CNIH3: variants seen among roughly 807,000 people sequenced by gnomAD.
CNIH3 encodes protein cornichon homolog 3.
Under a neutral mutation model 24.1 loss-of-function variants are expected in CNIH3, and 14 were observed. The ratio of observed to expected loss-of-function variants is 0.58; its 90% CI spans 0.38 to 0.91. The LOEUF (loss-of-function observed/expected upper bound fraction) is 0.91, where lower values mean the gene tolerates loss of function less well. Ranked by LOEUF, CNIH3 falls within the 40% of genes least tolerant of loss-of-function variation. CNIH3 has a pLI of 0.00. For missense variants in CNIH3, 178 were observed against 196.8 expected (o/e 0.90, Z 0.57); for synonymous variants, 68 against 73.8 (o/e 0.92, Z 0.40).
chr1:224,737,803 C>G (rs1271733104), intron 5 of CNIH3, among the ~76,000 whole-genome samples: 1 of 152,192 alleles, frequency 6.6e-6, no homozygotes, highest in Non-Finnish European at 1.5e-5. Context: ...TTTCTTCTAT[C>G]CTGTTTGAAC....
At chr1:224,608,107 C>T (rs966756705) in intron 3 of CNIH3, among the ~76,000 whole-genome samples, 1 of 152,114 alleles carries the variant, frequency 6.6e-6, no homozygotes, top group Admixed American at 6.5e-5. Context: ...GAAGGAGATA[C>T]TGAGGCAGGC....
rs115756334 is a variant in CNIH3, at chr1:224,459,652, T to C, written n.203+24790T>C. ...AGCTGGGGTTTCATAAGCACATAGA[T>C]AGTAGTGTCTCTTAGCTTCCGTTTA... is the stretch of plus-strand genomic sequence containing the variant. On this transcript the variant is annotated intron_variant and non_coding_transcript_variant, in intron 1 of 5. Transcript: ENST00000471578. Among the ~76,000 whole-genome samples, 1,013 of 152,130 alleles carry C rather than the reference T, an allele frequency of 6.7e-3. 9 individuals carry two copies. The highest frequency in any genetic ancestry group is 0.023 in the African/African-American group (951 of 41,500).
intron 1 of CNIH3, among the ~76,000 whole-genome samples, chr1:224,457,545 C>A (rs1214147574): frequency 8.1e-6 from 1 of 123,834 alleles, no homozygotes; most frequent in Non-Finnish European, 1.6e-5. Context: ...TCTGTAGCTT[C>A]CCTTCCTCCC....
At chr1:224,658,038 A>G (rs1685180346) in intron 1 of CNIH3, among the ~76,000 whole-genome samples, 1 of 152,216 alleles carries the variant, frequency 6.6e-6, no homozygotes, top group Admixed American at 6.5e-5. Context: ...AAAGTTAAAC[A>G]TTTACTACAT....
rs1162644064 is a variant in CNIH3 at position 224,516,803 on chromosome 1, GCAT to G, written n.15+932_15+934del. 2.6e-5 allele frequency among the ~76,000 whole-genome samples: 4 copies of G among 152,178 alleles called. No homozygotes were observed. In the East Asian group the frequency reaches 7.7e-4, roughly 29 times the overall value. On this transcript the variant is annotated intron_variant and non_coding_transcript_variant, in intron 1 of 2. Transcript: ENST00000470602. ...CGTTTTCTTACCCTCTGCCATCATC[GCAT>G]CATCCCCGCCAGAAAATCTGTCTCT...
At chr1:224,636,915 A>G (rs190349441) in intron 1 of CNIH3, among the ~76,000 whole-genome samples, 86 of 150,114 alleles carry the variant, frequency 5.7e-4, no homozygotes, top group African/African-American at 2.0e-3. Flanking sequence ...CTAATCTATT[A>G]TCTGTCTATC....
chr1:224,686,704 A>G (rs1686677905), intron 3 of CNIH3, among the ~76,000 whole-genome samples: 1 of 152,188 alleles, frequency 6.6e-6, no homozygotes, highest in Non-Finnish European at 1.5e-5. Context: ...AATGTTCCAT[A>G]TCCATCACCT....
chr1:224,481,457 G>A (rs192102266), intron 1 of CNIH3, among the ~76,000 whole-genome samples: 19 of 152,260 alleles, frequency 1.2e-4, no homozygotes. Flanking sequence ...CGCAGCCATA[G>A]CTGCATTAGG....
chr1:224,472,378 T>G (rs2404786), intron 1 of CNIH3, among the ~76,000 whole-genome samples: 3 of 152,076 alleles, frequency 2.0e-5, no homozygotes, highest in African/African-American at 7.3e-5. Context: ...ATATGGAACC[T>G]GCCCAAATGT....
At chr1:224,694,038 A>G (rs16852009) in intron 3 of CNIH3, among the ~76,000 whole-genome samples, 9,293 of 152,326 alleles carry the variant, frequency 0.061, 357 homozygotes, top group East Asian at 0.14. Context: ...TTCCTAAGCA[A>G]TGCCAGGATG....
At chr1:224,448,820 C>G (rs994197953) in intron 1 of CNIH3, among the ~76,000 whole-genome samples, 7 of 152,164 alleles carry the variant, frequency 4.6e-5, no homozygotes, top group Non-Finnish European at 8.8e-5. Flanking sequence ...TGAGCTCATG[C>G]AAGCAAGCCA....
At chr1:224,548,073 C>G (rs1238651063) in intron 3 of CNIH3, among the ~76,000 whole-genome samples, 1 of 151,712 alleles carries the variant, frequency 6.6e-6, no homozygotes, top group African/African-American at 2.4e-5. Flanking sequence ...CTCCTAATAT[C>G]ACAGTGGGTG....
In CNIH3 at chr1:224,488,188, G is replaced by A. The variant is rs184958878; in HGVS notation, n.204-27553G>A. ...TTTTATTAAGCTTGCACTCTAAATGGGGCCATAGCAATTTTGAGAAGAGTT... is the reference window on the plus strand; with the variant it reads ...TTTTATTAAGCTTGCACTCTAAATGAGGCCATAGCAATTTTGAGAAGAGTT... On this transcript the variant is annotated intron_variant and non_coding_transcript_variant, in intron 1 of 5. Coordinates refer to the CNIH3 transcript ENST00000471578. 4.0e-4 allele frequency among the ~76,000 whole-genome samples: 60 copies of A among 151,826 alleles called. 1 individual carries two copies. Among genetic ancestry groups the A allele is most frequent in the Admixed American group, 3.9e-3 (60 of 15,236 alleles).
At position 224,712,069 on chromosome 1, in the gene CNIH3, G is replaced by A. The variant is rs143246638; in HGVS notation, c.199-18393G>A. Among the ~76,000 whole-genome samples, 1,376 of 152,114 alleles carry A rather than the reference G, an allele frequency of 9.0e-3. 24 individuals carry two copies. The highest frequency in any genetic ancestry group is 0.032 in the African/African-American group (1,310 of 41,500). On this transcript the variant is annotated intron_variant, in intron 3 of 5. Transcript: ENST00000272133. Reference sequence around the variant, plus strand: ...CACTAGCTTCAAGCCCGGGCCAGCCGGGAACCTCCCCTCCATTCAGGTGCC... The same window carrying A: ...CACTAGCTTCAAGCCCGGGCCAGCCAGGAACCTCCCCTCCATTCAGGTGCC...
intron 1 of CNIH3, among the ~76,000 whole-genome samples, chr1:224,617,485 G>C (rs922579721): frequency 2.0e-5 from 3 of 152,258 alleles, no homozygotes; most frequent in South Asian, 4.1e-4. Context: ...CCTCTGCAGG[G>C]CCCGACTGGG....
chr1:224,522,643 T>C (rs762706169), intron 2 of CNIH3, among the ~76,000 whole-genome samples: 6 of 152,114 alleles, frequency 3.9e-5, no homozygotes, highest in Non-Finnish European at 8.8e-5. Flanking sequence ...CAGATGACAA[T>C]GAACAGGAAA....
At chr1:224,699,978 G>T (rs1254873306) in intron 3 of CNIH3, among the ~76,000 whole-genome samples, 1 of 152,162 alleles carries the variant, frequency 6.6e-6, no homozygotes, top group African/African-American at 2.4e-5. Context: ...GGGCCCTGCG[G>T]TTATCTTGTC....
chr1:224,726,620 T>A (rs1689035845), intron 3 of CNIH3, among the ~76,000 whole-genome samples: 1 of 152,204 alleles, frequency 6.6e-6, no homozygotes, highest in African/African-American at 2.4e-5. Flanking sequence ...ACTTCTAGGA[T>A]GCCGACCTCT....
intron 1 of CNIH3, among the ~76,000 whole-genome samples, chr1:224,644,034 G>C (rs1041863528): frequency 6.6e-6 from 1 of 152,176 alleles, no homozygotes; most frequent in Admixed American, 6.5e-5. Context: ...GAGGCCAAGT[G>C]ACCTTGGGGA....
Sources: gnomAD v4.1 joint callset for allele counts (sites outside exome capture counted in the v4.1 genomes callset) on GRCh38, gnomAD v4.1.1 for gene constraint, MANE v1.5 for transcripts, NCBI Gene and HGNC (gene_info 2026-07-23, HGNC 2026-07-21) for gene names.